The following NINJ2 variants were observed in gnomAD, a reference collection of about 807,000 sequenced individuals.
NINJ2 encodes the protein ninjurin-2.
Under a neutral mutation model 11.7 loss-of-function variants are expected in NINJ2, and 12 were observed. The ratio of observed to expected loss-of-function variants is 1.02; its 90% CI spans 0.66 to 1.66. The LOEUF (loss-of-function observed/expected upper bound fraction) is 1.66. NINJ2 is among the 40% of genes most tolerant of loss of function. The probability of loss-of-function intolerance (pLI) is 0.00; values close to 1 mark genes in which losing one functional copy is unlikely to be tolerated. For synonymous variants in NINJ2, 93 were observed against 76.8 expected (o/e 1.21, Z -1.10); for missense variants, 187 against 181.8 (o/e 1.03, Z -0.16).
At chr12:639,764 C>CCCTA (rs1466099142) in intron 1 of NINJ2, among the ~76,000 whole-genome samples, 1 of 152,184 alleles carries the variant, frequency 6.6e-6, no homozygotes, top group Non-Finnish European at 1.5e-5. Flanking sequence ...CCAGCCCCAA[C>CCCTA]CCTAGATCAT....
At chr12:576,392 AG>A (rs1462463393) in intron 1 of NINJ2, among the ~76,000 whole-genome samples, 1 of 152,234 alleles carries the variant, frequency 6.6e-6, no homozygotes, top group East Asian at 1.9e-4. Context: ...CTCCAACAAA[AG>A]GGGGCCATAA....
chr12:600,074 C>G (rs181465674), intron 1 of NINJ2, among the ~76,000 whole-genome samples: 1 of 152,180 alleles, frequency 6.6e-6, no homozygotes. Flanking sequence ...TTACTCCTTC[C>G]GAACGCCTGA....
intron 1 of NINJ2, among the ~76,000 whole-genome samples, chr12:642,284 G>T (rs1171942130): frequency 2.0e-5 from 3 of 152,230 alleles, no homozygotes; most frequent in Admixed American, 6.5e-5. Context: ...AGGCTGGAGC[G>T]CAATGGTGCG....
chr12:571,208 TG>T (rs1369539434), intron 1 of NINJ2, among the ~76,000 whole-genome samples: 1 of 152,198 alleles, frequency 6.6e-6, no homozygotes, highest in East Asian at 1.9e-4. Flanking sequence ...CAATGACACC[TG>T]GACAGACGGG....
Position 662,677 on chromosome 12 carries a change from G to T in NINJ2, c.33+651C>A, listed in dbSNP as rs548095431. On this transcript the variant is annotated intron_variant, in intron 1 of 3. Transcript: ENST00000305108. ...ACAGAGTGCAGCTCCCAGCAATCTGGCTCTCCTCTCACCGTAACATCCCAC... is the reference window on the plus strand; with the variant it reads ...ACAGAGTGCAGCTCCCAGCAATCTGTCTCTCCTCTCACCGTAACATCCCAC... Among the ~76,000 whole-genome samples, 8 of 152,188 alleles carry T rather than the reference G, an allele frequency of 5.3e-5. No individual in the cohort carries two copies. In the South Asian group the frequency reaches 1.7e-3, roughly 32 times the overall value.
chr12:638,338 A>G (rs966152237), intron 1 of NINJ2, among the ~76,000 whole-genome samples: 4 of 152,250 alleles, frequency 2.6e-5, no homozygotes, highest in Non-Finnish European at 5.9e-5. Flanking sequence ...CAATATATGC[A>G]TACGTTGTGT....
At chr12:570,003 G>A (rs555920410) in intron 1 of NINJ2, among the ~76,000 whole-genome samples, 24 of 152,346 alleles carry the variant, frequency 1.6e-4, no homozygotes, top group Admixed American at 1.4e-3. Flanking sequence ...AGGAACCCAC[G>A]CGCAGGACGG....
rs150821692 is a variant in NINJ2, at chr12:593,629, C to T, written c.34-27451G>A. On this transcript the variant is annotated intron_variant, in intron 1 of 3. Coordinates refer to ENST00000305108, the MANE Select transcript of NINJ2 (RefSeq NM_016533.6). ...ACTCAAGAGGCTGAGGTGGGAGGAGCGCTTGAGCCCAGGAGGTTGAGGCTG... is the reference window on the plus strand; with the variant it reads ...ACTCAAGAGGCTGAGGTGGGAGGAGTGCTTGAGCCCAGGAGGTTGAGGCTG... Among the ~76,000 whole-genome samples the T allele has an allele frequency of 8.7e-3, 1,328 of 152,142 alleles. 11 individuals are homozygous for T. The highest frequency in any genetic ancestry group is 0.03 in the African/African-American group (1,235 of 41,520).
chr12:584,558 C>T (rs991793679), intron 1 of NINJ2, among the ~76,000 whole-genome samples: 16 of 152,166 alleles, frequency 1.1e-4, no homozygotes, highest in African/African-American at 3.9e-4. Context: ...GTAATCCCAG[C>T]ACTTTGGGAG....
At chr12:649,921 T>A (rs906596400) in intron 1 of NINJ2, among the ~76,000 whole-genome samples, 2 of 152,206 alleles carry the variant, frequency 1.3e-5, no homozygotes, top group Admixed American at 1.3e-4. Flanking sequence ...ACATAAAAAA[T>A]TGTTCCATAT....
intron 1 of NINJ2, among the ~76,000 whole-genome samples, chr12:625,165 C>CT (rs1948199436): frequency 6.7e-6 from 1 of 148,832 alleles, no homozygotes; most frequent in South Asian, 2.2e-4. Context: ...AGCTTAGTAA[C>CT]TATCATTAGC....
intron 1 of NINJ2, among the ~76,000 whole-genome samples, chr12:655,407 A>C (rs1937859541): frequency 6.6e-6 from 1 of 152,254 alleles, no homozygotes; most frequent in African/African-American, 2.4e-5. Context: ...CTAATAAGCA[A>C]TTATAGCAAG....
chr12:579,735 TA>T (rs1947520646), intron 1 of NINJ2, among the ~76,000 whole-genome samples: 1 of 152,048 alleles, frequency 6.6e-6, no homozygotes, highest in Admixed American at 6.6e-5. Context: ...AACCTCCTTT[TA>T]AAAAAGCTTC....
rs561059623 is a variant in NINJ2 at position 660,735 on chromosome 12, T to C, written c.33+2593A>G. Among the ~76,000 whole-genome samples the C allele has an allele frequency of 2.9e-4, 44 of 152,236 alleles. 1 individual carries two copies. The South Asian group carries it at 3.5e-3, about 12-fold the overall frequency. On this transcript the variant is annotated intron_variant, in intron 1 of 3. Transcript: ENST00000305108. ...CAGCACTTTGGGAGGCCGAGGCTTG[T>C]GGATCATTTGAGGTCAGGAGTGCAA...
chr12:658,713 ATGCT>A (rs1263308877), intron 1 of NINJ2, among the ~76,000 whole-genome samples: 31 of 98,900 alleles, frequency 3.1e-4, no homozygotes, highest in African/African-American at 7.1e-4. Context: ...ATGCTATGCT[ATGCT>A]ATGCTATGCT....
intron 1 of NINJ2, among the ~76,000 whole-genome samples, chr12:577,437 A>ATGTG (rs1172123837): frequency 4.3e-5 from 6 of 138,614 alleles, no homozygotes; most frequent in African/African-American, 1.3e-4. Context: ...ATACATATAT[A>ATGTG]TATATAAATA....
chr12:618,510 A>C (rs1948119937), intron 1 of NINJ2, among the ~76,000 whole-genome samples: 1 of 152,134 alleles, frequency 6.6e-6, no homozygotes, highest in Admixed American at 6.5e-5. Flanking sequence ...GTTGTGCCTG[A>C]TCTGTCTATT....
chr12:650,386 A>G (rs1937769015), intron 1 of NINJ2, among the ~76,000 whole-genome samples: 2 of 152,196 alleles, frequency 1.3e-5, no homozygotes, highest in South Asian at 4.1e-4. Flanking sequence ...GGTGTAAGCC[A>G]CTGCTCCTGG....
At chr12:579,827 G>A (rs1123529) in intron 1 of NINJ2, among the ~76,000 whole-genome samples, 46 of 152,252 alleles carry the variant, frequency 3.0e-4, no homozygotes, top group Non-Finnish European at 4.3e-4. Flanking sequence ...CAGATCCTAT[G>A]GTGTTTCTTT....
Sources: allele counts gnomAD v4.1 joint callset (sites outside exome capture counted in the v4.1 genomes callset), GRCh38; gene constraint gnomAD v4.1.1; transcripts MANE v1.5; gene names NCBI Gene and HGNC (gene_info 2026-07-23, HGNC 2026-07-21).